Variants in TRPC6 observed in about 807,000 individuals in gnomAD.
TRPC6 encodes the protein short transient receptor potential channel 6.
In TRPC6, 55 loss-of-function variants were observed where a neutral mutation model predicts 90.7. The observed-to-expected ratio is 0.61, with a 90% CI of 0.49 to 0.76. The LOEUF (loss-of-function observed/expected upper bound fraction) is 0.76, where lower values mean the gene tolerates loss of function less well. TRPC6 is among the 30% of genes least tolerant of loss of function. The pLI, the probability that TRPC6 is intolerant of heterozygous loss-of-function variation, is 0.00. For missense variants in TRPC6, 989 were observed against 1,122.7 expected, an observed-to-expected ratio of 0.88 and a Z score of 1.70; for synonymous variants, 393 against 393.0, an observed-to-expected ratio of 1.00 and a Z score of 0.00.
intron 1 of TRPC6, among the ~76,000 whole-genome samples, chr11:101,563,538 G>A (rs889309786): frequency 1.3e-5 from 2 of 152,084 alleles, no homozygotes; most frequent in Non-Finnish European, 2.9e-5. Context: ...AGGCTGTGTA[G>A]GTAATCTTTT....
At chr11:101,465,529 C>G (rs189156079) in intron 10 of TRPC6, among the ~76,000 whole-genome samples, 1 of 152,082 alleles carries the variant, frequency 6.6e-6, no homozygotes, top group East Asian at 1.9e-4. Context: ...TGTTTTATTT[C>G]AGTAAGTTGA....
intron 2 of TRPC6, among the ~76,000 whole-genome samples, chr11:101,494,587 A>G (rs764134590): frequency 1.1e-4 from 17 of 152,334 alleles, no homozygotes; most frequent in Non-Finnish European, 2.4e-4. Flanking sequence ...TCCTTTTAAA[A>G]GCAACAAAGT....
intron 1 of TRPC6, among the ~76,000 whole-genome samples, chr11:101,519,314 T>C (rs1259440887): frequency 9.0e-6 from 1 of 111,438 alleles, no homozygotes; most frequent in African/African-American, 3.7e-5. Flanking sequence ...CATAAATATA[T>C]ACACCTATGT....
At chr11:101,469,634 C>T (rs1591527539) in intron 9 of TRPC6, 133 bp from the exon 10 acceptor site, 1 of 588,990 alleles carries the variant, frequency 1.7e-6, no homozygotes. Context: ...GGGGTTCTTC[C>T]CTTTGCAAGT....
At chr11:101,476,931 A>G (rs1859432248) in intron 5 of TRPC6, among the ~76,000 whole-genome samples, 4 of 152,134 alleles carry the variant, frequency 2.6e-5, no homozygotes, top group Admixed American at 1.3e-4. Flanking sequence ...ATATTTTATT[A>G]ATTACCATGG....
At chr11:101,549,871 TCAATGAATAGA>T (rs1383782481) in intron 1 of TRPC6, among the ~76,000 whole-genome samples, 3 of 151,496 alleles carry the variant, frequency 2.0e-5, no homozygotes, top group Non-Finnish European at 4.4e-5. Context: ...AAATATTTAG[TCAATGAATAGA>T]CAAATAAGTG....
chr11:101,514,278 G>GA (rs34914358), intron 1 of TRPC6, among the ~76,000 whole-genome samples: 74,555 of 151,926 alleles, frequency 0.49, 18,653 homozygotes, highest in African/African-American at 0.55. Context: ...GGGTATGGCA[G>GA]AAAAAAAGAG....
chr11:101,574,516 A>G (rs1196617437), intron 1 of TRPC6, among the ~76,000 whole-genome samples: 1 of 151,284 alleles, frequency 6.6e-6, no homozygotes, highest in Non-Finnish European at 1.5e-5. Context: ...GGTGCCTAAC[A>G]TACCAAAGGA....
Position 101,452,920 on chromosome 11 carries a change from A to G in TRPC6, c.*35T>C. 1.9e-6 allele frequency: 3 copies of G among 1,612,244 alleles called. No homozygotes were observed. The highest frequency in any genetic ancestry group is 2.5e-6 in the Non-Finnish European group (3 of 1,178,580). On this transcript the variant is annotated 3_prime_UTR_variant, in exon 13 of 13. Coordinates refer to ENST00000344327, the MANE Select transcript of TRPC6 (RefSeq NM_004621.6). ...CAGAAAATAATATGGCTTCAAGTGG[A>G]CAAATAAATATGAATTTCTAAGGAA...
Position 101,452,771 on chromosome 11 carries a change from C to G in TRPC6, c.*184G>C. 1 of 638,742 alleles carries G rather than the reference C, an allele frequency of 1.6e-6. No homozygotes were observed. Among genetic ancestry groups the G allele is most frequent in the Non-Finnish European group, 2.7e-6 (1 of 372,056 alleles). The allele number at this position is 638,742 out of a possible 1,614,324, so 39.6% of individuals were successfully genotyped here. A position where few individuals can be genotyped will look rare whatever the true frequency, so the allele number is the denominator to read the frequency against. ...TTTCCTCATTATCTACAGCCTTTAC[C>G]CTGAACAATGGAGTTTAATCACCAA... On this transcript the variant is annotated 3_prime_UTR_variant, in exon 13 of 13. Transcript: ENST00000344327.
intron 2 of TRPC6, among the ~76,000 whole-genome samples, chr11:101,496,621 T>A (rs1859956284): frequency 6.6e-6 from 1 of 152,224 alleles, no homozygotes; most frequent in Non-Finnish European, 1.5e-5. Flanking sequence ...AGTGTTTGGT[T>A]ATATACACTT....
chr11:101,517,909 A>C (rs1860558944), intron 1 of TRPC6, among the ~76,000 whole-genome samples: 1 of 152,222 alleles, frequency 6.6e-6, no homozygotes, highest in Non-Finnish European at 1.5e-5. Context: ...TATGATGAAG[A>C]TCCAGTTCAA....
intron 1 of TRPC6, among the ~76,000 whole-genome samples, chr11:101,558,218 T>TGTATATGGGTATACAGGTATAC (rs1565243108): frequency 1.8e-5 from 1 of 55,294 alleles, no homozygotes; most frequent in African/African-American, 8.8e-5. Context: ...TACATGTATA[T>TGTATATGGGTATACAGGTATAC]ATGTATACAT....
intron 1 of TRPC6, among the ~76,000 whole-genome samples, chr11:101,551,059 A>G (rs1332961386): frequency 1.3e-5 from 2 of 151,912 alleles, no homozygotes; most frequent in Non-Finnish European, 2.9e-5. Flanking sequence ...TACATAGGAC[A>G]AAGTGGTCAG....
At chr11:101,469,527 G>C in intron 9 of TRPC6, 26 bp from the exon 10 acceptor site, 1 of 735,780 alleles carries the variant, frequency 1.4e-6, no homozygotes, top group Non-Finnish European at 2.5e-6. Context: ...AGTAAAATGA[G>C]TATAACTGCA....
chr11:101,581,498 T>G (rs534163635), intron 1 of TRPC6, among the ~76,000 whole-genome samples: 2 of 152,114 alleles, frequency 1.3e-5, no homozygotes, highest in African/African-American at 4.8e-5. Context: ...GATTACAGAA[T>G]GAAAAAAGGT....
chr11:101,555,867 C>A (rs1861550861), intron 1 of TRPC6, among the ~76,000 whole-genome samples: 1 of 152,082 alleles, frequency 6.6e-6, no homozygotes, highest in Admixed American at 6.6e-5. Context: ...ACGAAATACA[C>A]CTCAGCAAAT....
chr11:101,485,278 G>GA (rs1246604738), intron 4 of TRPC6, among the ~76,000 whole-genome samples: 1 of 146,686 alleles, frequency 6.8e-6, no homozygotes, highest in Admixed American at 6.9e-5. Context: ...GAGTATTTTT[G>GA]TTTTTTTTTT....
intron 10 of TRPC6, among the ~76,000 whole-genome samples, chr11:101,461,499 G>A (rs187518274): frequency 2.0e-5 from 3 of 152,298 alleles, no homozygotes; most frequent in Admixed American, 2.0e-4. Context: ...CTGAGCCTGG[G>A]AGGTCCAGGC....
Sources: gnomAD v4.1 joint callset for allele counts (sites outside exome capture counted in the v4.1 genomes callset) on GRCh38, gnomAD v4.1.1 for gene constraint, MANE v1.5 for transcripts, NCBI Gene and HGNC (gene_info 2026-07-23, HGNC 2026-07-21) for gene names.